Variants in RCC2 observed in about 807,000 individuals in gnomAD.
RCC2 encodes the protein protein RCC2.
In RCC2, 19 loss-of-function variants were observed where a neutral mutation model predicts 64.1. The ratio of observed to expected loss-of-function variants is 0.30; its 90% confidence interval spans 0.21 to 0.44. RCC2 has a LOEUF of 0.44. RCC2 is among the 20% of genes least tolerant of loss of function. The pLI is 1.00. For missense variants in RCC2, 508 were observed against 710.4 expected (o/e 0.72, Z 3.24); for synonymous variants, 325 against 279.6 (o/e 1.16, Z -1.62).
At position 17,425,540 on chromosome 1, in the gene RCC2, C is replaced by T; in HGVS notation, c.523+1G>A. The T allele has an allele frequency of 1.2e-6, 2 of 1,608,594 alleles. No individual in the cohort carries two copies. Among genetic ancestry groups the T allele is most frequent in the Non-Finnish European group, 1.7e-6 (2 of 1,177,040 alleles). ...GTGCCCAGCACCCGCACGGTACTCA[C>T]CCCAGCTCCACAGCTTCCCTTCCGT... On this transcript the variant is annotated splice_donor_variant, in intron 4 of 12. Transcript: ENST00000375436. LOFTEE classifies it high-confidence loss of function.
At chr1:17,416,335 C>T in intron 8 of RCC2, 145 bp downstream of exon 8, 1 of 853,604 alleles carries the variant, frequency 1.2e-6, no homozygotes, top group Non-Finnish European at 1.8e-6. Context: ...GACCCTTTGG[C>T]CAAGGTGCAA....
chr1:17,416,086 G>C (rs2075481051), intron 8 of RCC2, among the ~76,000 whole-genome samples: 1 of 109,294 alleles, frequency 9.1e-6, no homozygotes, highest in Non-Finnish European at 1.8e-5. Context: ...AAAGGGGGGG[G>C]GGGCGGGGGG....
chr1:17,432,855 G>C (rs566941458), intron 2 of RCC2, among the ~76,000 whole-genome samples: 1 of 152,342 alleles, frequency 6.6e-6, no homozygotes, highest in African/African-American at 2.4e-5. Context: ...CTACTCGGGA[G>C]GCTGAGACAG....
Position 17,408,833 on chromosome 1 carries a change from T to C in RCC2, c.*257A>G, listed in dbSNP as rs190333256. 4 of 431,948 alleles carry C rather than the reference T, an allele frequency of 9.3e-6. No individual in the cohort carries two copies. The highest frequency in any genetic ancestry group is 9.9e-5 in the South Asian group (2 of 20,106). The allele number at this position is 431,948 out of a possible 1,614,324, so 26.8% of individuals were successfully genotyped here. A position where few individuals can be genotyped will look rare whatever the true frequency, so the allele number is the denominator to read the frequency against. ...GATTGCTCAAAGTTTCTGCCTCTTT[T>C]GTAGGAATGGTAAATCAACTATGAG... On this transcript the variant is annotated 3_prime_UTR_variant, in exon 13 of 13. Coordinates refer to ENST00000375436, the MANE Select transcript of RCC2 (RefSeq NM_018715.4).
At chr1:17,437,239 G>A (rs1570215217) in intron 2 of RCC2, among the ~76,000 whole-genome samples, 1 of 152,320 alleles carries the variant, frequency 6.6e-6, no homozygotes, top group East Asian at 1.9e-4. Flanking sequence ...ACACCCTTAG[G>A]AGATGGGCAC....
chr1:17,413,811 G>C (rs1015246857), intron 8 of RCC2, 94 bp from the exon 9 acceptor site: 28 of 1,140,044 alleles, frequency 2.5e-5, no homozygotes, highest in Non-Finnish European at 3.6e-5. Flanking sequence ...TGGTGCAAAT[G>C]CTAAGGGCAA....
chr1:17,418,500 T>C (rs894539797), intron 7 of RCC2, among the ~76,000 whole-genome samples: 13 of 151,950 alleles, frequency 8.6e-5, no homozygotes, highest in Non-Finnish European at 1.8e-4. Context: ...CTACCAAAAA[T>C]ACAAAAATTA....
intron 11 of RCC2, 60 bp from the exon 12 acceptor site, chr1:17,410,111 G>A: frequency 2.0e-6 from 3 of 1,466,926 alleles, no homozygotes; most frequent in Non-Finnish European, 2.9e-6. Context: ...CCACAAGTGG[G>A]GAATCACGGC....
intron 2 of RCC2, among the ~76,000 whole-genome samples, chr1:17,437,523 C>A (rs1174171461): frequency 1.3e-5 from 2 of 152,158 alleles, no homozygotes; most frequent in Non-Finnish European, 2.9e-5. Flanking sequence ...AACAGAAGCC[C>A]GCCCAGGACC....
rs2075647400 is a variant in RCC2, at chr1:17,429,031, C to T, written c.379+75G>A. ...AATGCATTTGTAAATGAAGGGAATACCTACCAGGCAGGTGGTCAACAGAAC... is the reference window on the plus strand; with the variant it reads ...AATGCATTTGTAAATGAAGGGAATATCTACCAGGCAGGTGGTCAACAGAAC... On this transcript the variant is annotated intron_variant, in intron 3 of 12. Coordinates refer to ENST00000375436, the MANE Select transcript of RCC2 (RefSeq NM_018715.4). 5.3e-6 allele frequency: 6 copies of T among 1,136,178 alleles called. No homozygotes were observed. The Admixed American group carries it at 6.9e-5, about 13-fold the overall frequency. 70.4% of individuals were successfully genotyped at this position (1,136,178 alleles called of 1,614,324 possible).
At chr1:17,418,582 G>A (rs914198444) in intron 7 of RCC2, among the ~76,000 whole-genome samples, 23 of 151,942 alleles carry the variant, frequency 1.5e-4, no homozygotes, top group Non-Finnish European at 2.9e-4. Context: ...GCTTGAACCC[G>A]GGAGGCGGAG....
intron 7 of RCC2, 68 bp from the exon 8 acceptor site, chr1:17,416,714 C>G (rs1472609702): frequency 6.6e-7 from 1 of 1,516,122 alleles, no homozygotes. Context: ...TGTGCTCACA[C>G]GGACTCTGTA....
chr1:17,430,831 C>A (rs191395071), intron 2 of RCC2, among the ~76,000 whole-genome samples: 1 of 151,896 alleles, frequency 6.6e-6, no homozygotes, highest in African/African-American at 2.4e-5. Context: ...CGGGTTCAAA[C>A]GATTCTCTTG....
Position 17,413,188 on chromosome 1 carries a change from G to A in RCC2, c.1208-10C>T. Reference sequence around the variant, plus strand: ...CAGAAAAACAGACCACCTAAGGGAAGACAAAACATGTTCCCAGCGTGACCA... The same window carrying A: ...CAGAAAAACAGACCACCTAAGGGAAAACAAAACATGTTCCCAGCGTGACCA... On this transcript the variant is annotated splice_polypyrimidine_tract_variant and intron_variant, in intron 9 of 12. Coordinates refer to ENST00000375436, the MANE Select transcript of RCC2 (RefSeq NM_018715.4). The A allele has an allele frequency of 1.3e-6, 2 of 1,578,994 alleles. No homozygotes were observed. Among genetic ancestry groups the A allele is most frequent in the Non-Finnish European group, 1.7e-6 (2 of 1,148,626 alleles).
intron 8 of RCC2, among the ~76,000 whole-genome samples, chr1:17,416,078 A>AGC (rs1553156630): frequency 4.5e-4 from 23 of 50,810 alleles, no homozygotes; most frequent in African/African-American, 1.8e-3. Flanking sequence ...CAAAAAAAAA[A>AGC]GGGGGGGGGG....
chr1:17,425,413 T>C (rs2075603161), intron 4 of RCC2, 128 bp downstream of exon 4: 6 of 890,752 alleles, frequency 6.7e-6, no homozygotes, highest in South Asian at 2.2e-5. Context: ...AAAAAAGACA[T>C]GGGCTGTGAA....
At position 17,438,632 on chromosome 1, in the gene RCC2, A is replaced by G. The variant is rs1183845146; in HGVS notation, c.-8-110T>C. 6 of 1,125,080 alleles carry G rather than the reference A, an allele frequency of 5.3e-6. No homozygotes were observed. The Admixed American group carries it at 1.9e-4, about 35-fold the overall frequency. 69.7% of individuals were successfully genotyped at this position (1,125,080 alleles called of 1,614,324 possible). ...CTCCACTTCCTCCTCTGCCCTCCCC[A>G]AAGTGGCGGCCGCAGGGTGGGCGGA... On this transcript the variant is annotated intron_variant, in intron 1 of 12. Transcript: ENST00000375436.
chr1:17,438,483 C>G lies in RCC2; in HGVS notation c.32G>C (p.Trp11Ser). 1 of 1,342,200 alleles carries G rather than the reference C, an allele frequency of 7.5e-7. No individual in the cohort carries two copies. The highest frequency in any genetic ancestry group is 9.5e-7 in the Non-Finnish European group (1 of 1,050,092). The allele number at this position is 1,342,200 out of a possible 1,614,324, so 83.1% of individuals were successfully genotyped here. A position where few individuals can be genotyped will look rare whatever the true frequency, so the allele number is the denominator to read the frequency against. Residue 11 changes from tryptophan to serine, a missense_variant, in exon 2 of 13, where the codon TGG becomes TCG. By Grantham distance (177) the Trp-to-Ser change is radical. Around this residue, in one of 4 missense-constraint regions of RCC2, gnomAD observed 195 missense variants for 158.3 expected, o/e 1.23. Coordinates refer to ENST00000375436, the MANE Select transcript of RCC2 (RefSeq NM_018715.4). ...GCCGTTGCCCGAGCTCGGCTCCTCC[C>G]AGGCCGCCGCCGCCGCCTTCTTCCT... MPRKKAAAAA[W>S]EEPSSGNGTA...
intron 3 of RCC2, among the ~76,000 whole-genome samples, 200 bp downstream of exon 3, chr1:17,428,906 C>T (rs2075646295): frequency 6.6e-6 from 1 of 152,220 alleles, no homozygotes. Flanking sequence ...TAGTGAGTCA[C>T]TTCAAAATTG....
Sources: allele counts gnomAD v4.1 joint callset (sites outside exome capture counted in the v4.1 genomes callset), GRCh38; gene constraint gnomAD v4.1.1; regional missense constraint gnomAD v4.1.1; transcripts MANE v1.5; gene names NCBI Gene and HGNC (gene_info 2026-07-23, HGNC 2026-07-21).